Variants in NLRP7 observed in about 807,000 individuals in gnomAD.
NLRP7 encodes the protein NACHT, LRR and PYD domains-containing protein 7.
NLRP7 carries 72 observed loss-of-function variants against 85.5 expected under a neutral mutation model. That is an observed-to-expected ratio of 0.84 (90% CI 0.70 to 1.02). NLRP7 has a LOEUF of 1.02. NLRP7 is among the 50% of genes least tolerant of loss of function. The pLI is 0.00. For missense variants in NLRP7, 1,243 were observed against 1,219.5 expected (o/e 1.02, Z -0.29); for synonymous variants, 550 against 505.2 (o/e 1.09, Z -1.19).
rs764387650 is a variant in NLRP7 at position 54,934,466 on chromosome 19, G to A, written c.2471+23C>T. ...ATAGCCCCAGAACTAAACCAGAGCT[G>A]CCCATGGGAAGAGGAGACTTACGAC... is the stretch of plus-strand genomic sequence containing the variant. On this transcript the variant is annotated intron_variant, in intron 7 of 9. Coordinates refer to ENST00000340844, the Ensembl canonical transcript of NLRP7. This position sits in a 1 kb window ranked among gnomAD's most constrained non-coding sequence, Gnocchi z 6.7. The A allele has an allele frequency of 6.2e-7, 1 of 1,613,094 alleles. No homozygotes were observed. The highest frequency in any genetic ancestry group is 2.2e-5 in the East Asian group (1 of 44,874).
chr19:54,941,035 C>G, intron 2 of NLRP7, 30 bp from the exon 3 acceptor site: 1 of 1,433,906 alleles, frequency 7.0e-7, no homozygotes, highest in Middle Eastern at 1.8e-4. Context: ...AAGCCTGACA[C>G]AGTAATTTAC....
intron 1 of NLRP7, chr19:54,953,375 T>C (rs957729551): frequency 6.6e-6 from 1 of 152,214 alleles, no homozygotes; most frequent in Non-Finnish European, 1.5e-5. Flanking sequence ...AGGGGGTACG[T>C]GACTGGGGGC....
chr19:54,941,576 C>T, exon 2 of NLRP7: 1 of 1,614,016 alleles, frequency 6.2e-7, no homozygotes, highest in Non-Finnish European at 8.5e-7. Flanking sequence ...GCCTCTTCCA[C>T]CTCAGACCAT....
At chr19:54,930,666 C>T in exon 9 of NLRP7, 1 of 1,613,208 alleles carries the variant, frequency 6.2e-7, no homozygotes. Flanking sequence ...ATTGCTGTAA[C>T]CTACAGGATA....
At chr19:54,944,442 C>T (rs1192295314) in intron 1 of NLRP7, among the ~76,000 whole-genome samples, 2 of 152,210 alleles carry the variant, frequency 1.3e-5, no homozygotes, top group South Asian at 2.1e-4. Flanking sequence ...CCTGCTGACC[C>T]TCTCCCCACT....
intron 9 of NLRP7, 70 bp downstream of exon 10, chr19:54,927,535 G>A: frequency 2.0e-6 from 3 of 1,500,188 alleles, no homozygotes; most frequent in South Asian, 2.3e-5. Context: ...CAGCCTGAAT[G>A]ACAGAGCACG....
upstream of NLRP7, chr19:54,947,605 A>C (rs1264141422): frequency 7.8e-7 from 1 of 1,289,634 alleles, no homozygotes; most frequent in South Asian, 1.2e-5. Flanking sequence ...CACTGAGATT[A>C]ACATTGGGTG....
intron 5 of NLRP7, among the ~76,000 whole-genome samples, chr19:54,937,199 C>T (rs1237820592): frequency 7.0e-6 from 1 of 143,036 alleles, no homozygotes; most frequent in Non-Finnish European, 1.5e-5. Context: ...GCCTGGGGAA[C>T]ATAGCGAGAC....
In NLRP7 at chr19:54,933,660, G is replaced by C. The variant is rs1437108333; in HGVS notation, c.2551C>G (p.Leu851Val). 7 of 1,614,036 alleles carry C rather than the reference G, an allele frequency of 4.3e-6. No individual in the cohort carries two copies. In the African/African-American group the frequency reaches 5.3e-5, roughly 12 times the overall value. ...CCAATGGGGTTCTTGGCCAAGCACA[G>C]GTGTGTCAGCTTCTTGCTGACAACC... is the stretch of plus-strand genomic sequence containing the variant. Residue 851 changes from leucine (L) to valine (V), a missense_variant, in exon 8 of 10, where the codon CTG becomes GTG. By Grantham distance (32) the Leu-to-Val change is conservative. This residue lies in a region of NLRP7 where 613 missense variants were observed against 588.4 expected (regional missense o/e 1.04). Transcript: ENST00000340844.
At chr19:54,960,061 G>A (rs958428400) in intron 1 of NLRP7, among the ~76,000 whole-genome samples, 9 of 151,934 alleles carry the variant, frequency 5.9e-5, no homozygotes, top group Middle Eastern at 3.2e-3. Flanking sequence ...TCCTCTTTTG[G>A]ATCTCCAAAC....
chr19:54,961,117 T>C (rs912054388), intron 1 of NLRP7, among the ~76,000 whole-genome samples: 18 of 152,142 alleles, frequency 1.2e-4, no homozygotes, highest in African/African-American at 3.9e-4. Flanking sequence ...CTCACACCTG[T>C]AATCTCAGTA....
rs1167789682 is a variant in NLRP7, at chr19:54,947,488, G to A, written c.-59C>T. ...ACTCACCTCCCTCAGGTCAGGTCTT[G>A]CTTCCAGCCTGTGTTTCCTGCAAAG... is the stretch of plus-strand genomic sequence containing the variant. On this transcript the variant is annotated 5_prime_UTR_variant, in exon 1 of 10. Coordinates refer to ENST00000340844, the Ensembl canonical transcript of NLRP7. 2.3e-6 allele frequency: 3 copies of A among 1,289,650 alleles called. No individual in the cohort carries two copies. In the Admixed American group the frequency reaches 6.9e-5, roughly 30 times the overall value. 79.9% of individuals were successfully genotyped at this position (1,289,650 alleles called of 1,614,324 possible).
intron 1 of NLRP7, among the ~76,000 whole-genome samples, chr19:54,958,129 C>G (rs902538539): frequency 1.3e-5 from 2 of 151,818 alleles, no homozygotes; most frequent in Non-Finnish European, 2.9e-5. Context: ...GCAGGAGAAT[C>G]GCTTGGTTTG....
At chr19:54,940,826 C>CA (rs11290760) in intron 3 of NLRP7, 105 bp downstream of exon 3, 95,380 of 721,334 alleles carry the variant, frequency 0.13, 4 homozygotes, top group East Asian at 0.24. Context: ...GATTCCGTCT[C>CA]AAAAAAAAAA....
Position 54,934,683 on chromosome 19 carries a change from ATTCTTC to A in NLRP7, c.2301-30_2301-25del. 1.7e-5 allele frequency: 27 copies of A among 1,601,704 alleles called. No homozygotes were observed. The highest frequency in any genetic ancestry group is 2.3e-5 in the Non-Finnish European group (27 of 1,172,928). Reference sequence around the variant, plus strand: ...ACCTGTGAAAAGAGTGGGAAAAGTCATTCTTCTGGGAGGACAGAGTATACCCTATCA... The same window carrying A: ...ACCTGTGAAAAGAGTGGGAAAAGTCATGGGAGGACAGAGTATACCCTATCA... On this transcript the variant is annotated intron_variant, in intron 6 of 9. Transcript: ENST00000340844. This position sits in a 1 kb window ranked among gnomAD's most constrained non-coding sequence, Gnocchi z 6.7.
intron 9 of NLRP7, among the ~76,000 whole-genome samples, chr19:54,928,761 C>G (rs1333472613): frequency 6.6e-6 from 1 of 151,862 alleles, no homozygotes; most frequent in Non-Finnish European, 1.5e-5. Flanking sequence ...ATAACTTACA[C>G]GAGGATCCCC....
chr19:54,924,734 G>C (rs934169285), intron 9 of NLRP7, among the ~76,000 whole-genome samples: 1 of 151,930 alleles, frequency 6.6e-6, no homozygotes, highest in East Asian at 1.9e-4. Flanking sequence ...TCAGGAATTC[G>C]AGACCAGCCT....
Position 54,934,981 on chromosome 19 carries a change from G to C in NLRP7, c.2301-322C>G, listed in dbSNP as rs994433165. Among the ~76,000 whole-genome samples the C allele has an allele frequency of 1.3e-5, 2 of 152,122 alleles. No homozygotes were observed. The highest frequency in any genetic ancestry group is 4.8e-5 in the African/African-American group (2 of 41,436). ...CGAAGTACTGGGATTACAGGTGTGA[G>C]CCACCGCGCCTGGCCCAGATCAGCT... On this transcript the variant is annotated intron_variant, in intron 6 of 9. Transcript: ENST00000340844. This position sits in a 1 kb window ranked among gnomAD's most constrained non-coding sequence, Gnocchi z 6.7.
upstream of NLRP7, among the ~76,000 whole-genome samples, chr19:54,948,335 G>C (rs922506244): frequency 1.3e-5 from 2 of 152,020 alleles, no homozygotes; most frequent in Non-Finnish European, 2.9e-5. Flanking sequence ...AGTGAGGCAC[G>C]ATCACGCCAT....
Sources: gnomAD v4.1 joint callset for allele counts (sites outside exome capture counted in the v4.1 genomes callset) on GRCh38, gnomAD v4.1.1 for gene constraint, gnomAD v4.1.1 regional missense constraint, Gnocchi (gnomAD v3.1) non-coding constraint, MANE v1.5 for transcripts, NCBI Gene and HGNC (gene_info 2026-07-23, HGNC 2026-07-21) for gene names.